The following KCNIP4 variants were observed in gnomAD, a reference collection of about 807,000 sequenced individuals.
KCNIP4 encodes the protein potassium voltage-gated channel interacting protein 4.
In KCNIP4, 12 loss-of-function variants were observed where a neutral mutation model predicts 34.0. The observed-to-expected ratio is 0.35, with a 90% CI of 0.23 to 0.57. The LOEUF (loss-of-function observed/expected upper bound fraction) is 0.57, where lower values mean the gene tolerates loss of function less well. KCNIP4 is among the 20% of genes least tolerant of loss of function. The probability of loss-of-function intolerance (pLI) is 0.83; values close to 1 mark genes in which losing one functional copy is unlikely to be tolerated. For missense variants in KCNIP4, 238 were observed against 311.7 expected (o/e 0.76, Z 1.78); for synonymous variants, 124 against 102.2 (o/e 1.21, Z -1.29).
chr4:21,099,723 C>A (rs775901328), intron 1 of KCNIP4, among the ~76,000 whole-genome samples: 1 of 152,082 alleles, frequency 6.6e-6, no homozygotes, highest in Non-Finnish European at 1.5e-5. Context: ...AACTGAAAAT[C>A]TTCTGGAAAG....
chr4:20,871,825 C>G (rs1723496276), intron 2 of KCNIP4, among the ~76,000 whole-genome samples: 2 of 152,066 alleles, frequency 1.3e-5, no homozygotes, highest in African/African-American at 2.4e-5. Flanking sequence ...GATGCCTAAA[C>G]TCATCTTGAT....
At chr4:21,200,318 ATATGTGTG>A (rs199514039) in intron 1 of KCNIP4, among the ~76,000 whole-genome samples, 37,575 of 116,182 alleles carry the variant, frequency 0.32, 6,704 homozygotes, top group South Asian at 0.47. Context: ...ATACATACAT[ATATGTGTG>A]TATATATATA....
At chr4:20,802,124 T>C (rs540012645) in intron 3 of KCNIP4, among the ~76,000 whole-genome samples, 2 of 139,814 alleles carry the variant, frequency 1.4e-5, no homozygotes, top group South Asian at 4.7e-4. Context: ...ATATATATGC[T>C]ATATATATGC....
At chr4:21,332,884 T>C (rs1715797759) in intron 1 of KCNIP4, among the ~76,000 whole-genome samples, 1 of 152,068 alleles carries the variant, frequency 6.6e-6, no homozygotes, top group Non-Finnish European at 1.5e-5. Context: ...TCAAATTCTT[T>C]TTATGGTTTA....
intron 1 of KCNIP4, among the ~76,000 whole-genome samples, chr4:20,937,746 T>C (rs1018431518): frequency 2.6e-5 from 4 of 152,022 alleles, no homozygotes; most frequent in African/African-American, 9.7e-5. Context: ...CTGCTTTGGA[T>C]GAAGCTACCT....
intron 1 of KCNIP4, among the ~76,000 whole-genome samples, chr4:20,959,136 T>G (rs890796688): frequency 6.6e-6 from 1 of 152,224 alleles, no homozygotes; most frequent in African/African-American, 2.4e-5. Flanking sequence ...GTATTTTTCA[T>G]GTGCACTAAG....
chr4:21,842,950 C>A lies in KCNIP4; in HGVS notation c.61+105621G>T, dbSNP rs1031612343. Among the ~76,000 whole-genome samples the A allele has an allele frequency of 1.4e-4, 21 of 152,114 alleles. 1 individual carries two copies. In the South Asian group the frequency reaches 2.3e-3, roughly 17 times the overall value. On this transcript the variant is annotated intron_variant, in intron 1 of 8. Transcript: ENST00000382152. ...TTAATTCCTTGTAGAGTACTTAGAA[C>A]AGTATATGGCAAATAATAAGTGCTC...
chr4:21,297,805 T>C (rs1249327338), intron 1 of KCNIP4, among the ~76,000 whole-genome samples: 1 of 151,564 alleles, frequency 6.6e-6, no homozygotes. Flanking sequence ...TACATAGAGC[T>C]AGAAGCAAAA....
intron 1 of KCNIP4, among the ~76,000 whole-genome samples, chr4:21,404,454 C>T (rs1160877618): frequency 6.6e-6 from 1 of 152,034 alleles, no homozygotes; most frequent in African/African-American, 2.4e-5. Context: ...CCATATCTAC[C>T]TTCCTTACTG....
chr4:21,899,974 T>TAA (rs35793169), intron 1 of KCNIP4, among the ~76,000 whole-genome samples: 29 of 148,688 alleles, frequency 2.0e-4, no homozygotes, highest in Admixed American at 4.0e-4. Context: ...AAATGAAAAT[T>TAA]AAAAAAAAAA....
chr4:21,142,653 G>A (rs773687100), intron 1 of KCNIP4, among the ~76,000 whole-genome samples: 12 of 152,042 alleles, frequency 7.9e-5, no homozygotes, highest in African/African-American at 1.4e-4. Context: ...TGTGTCTCCC[G>A]CCCTTGCCTT....
chr4:21,838,552 T>C lies in KCNIP4; in HGVS notation c.61+110019A>G, dbSNP rs141864396. Among the ~76,000 whole-genome samples the C allele has an allele frequency of 2.6e-5, 4 of 152,322 alleles. No homozygotes were observed. In the East Asian group the frequency reaches 7.7e-4, roughly 29 times the overall value. Reference sequence around the variant, plus strand: ...CTGGTTACCCGTTGGTCTACCATCATTTTATATCTATGGATACATTAATGC... The same window carrying C: ...CTGGTTACCCGTTGGTCTACCATCACTTTATATCTATGGATACATTAATGC... On this transcript the variant is annotated intron_variant, in intron 1 of 8. Coordinates refer to ENST00000382152, the MANE Select transcript of KCNIP4 (RefSeq NM_025221.6).
intron 1 of KCNIP4, among the ~76,000 whole-genome samples, chr4:21,804,775 A>T (rs1298730301): frequency 6.6e-6 from 1 of 152,170 alleles, no homozygotes; most frequent in Non-Finnish European, 1.5e-5. Flanking sequence ...TGAAAACTTT[A>T]TTATCTCCCT....
At chr4:21,795,441 G>A (rs1720559620) in intron 1 of KCNIP4, among the ~76,000 whole-genome samples, 1 of 152,168 alleles carries the variant, frequency 6.6e-6, no homozygotes, top group Non-Finnish European at 1.5e-5. Flanking sequence ...AAAGCTGCCT[G>A]ATAAATCACC....
chr4:21,754,173 C>T (rs573084853), intron 1 of KCNIP4, among the ~76,000 whole-genome samples: 35 of 152,264 alleles, frequency 2.3e-4, no homozygotes, highest in African/African-American at 8.4e-4. Flanking sequence ...TCTTAATTCG[C>T]TCAATAAAAT....
chr4:21,120,002 A>G (rs2109131134), intron 1 of KCNIP4, among the ~76,000 whole-genome samples: 1 of 152,232 alleles, frequency 6.6e-6, no homozygotes, highest in Non-Finnish European at 1.5e-5. Flanking sequence ...ACTCCTGGGA[A>G]GGGAAGAATA....
chr4:21,906,324 G>A (rs1727999609), intron 1 of KCNIP4, among the ~76,000 whole-genome samples: 3 of 152,148 alleles, frequency 2.0e-5, no homozygotes, highest in African/African-American at 7.2e-5. Context: ...CAGCAAAAGT[G>A]TCCTTGTCTA....
At chr4:21,629,815 T>C (rs898642962) in intron 1 of KCNIP4, among the ~76,000 whole-genome samples, 34 of 150,548 alleles carry the variant, frequency 2.3e-4, no homozygotes, top group African/African-American at 8.0e-4. Context: ...AATGTCTTGA[T>C]GTCAGAAAAC....
chr4:20,781,018 A>G (rs1422293541), intron 3 of KCNIP4, among the ~76,000 whole-genome samples: 1 of 152,166 alleles, frequency 6.6e-6, no homozygotes, highest in Admixed American at 6.5e-5. Context: ...TTTGGGAGAT[A>G]ACCACCACAT....
Sources: allele counts gnomAD v4.1 joint callset (sites outside exome capture counted in the v4.1 genomes callset), GRCh38; gene constraint gnomAD v4.1.1; transcripts MANE v1.5; gene names NCBI Gene and HGNC (gene_info 2026-07-23, HGNC 2026-07-21).